The following LRRC69 variants were observed in gnomAD, a reference collection of about 807,000 sequenced individuals.
LRRC69 encodes leucine-rich repeat-containing protein 69.
LRRC69 carries 42 observed loss-of-function variants against 37.8 expected under a neutral mutation model. That is an observed-to-expected ratio of 1.11 (90% CI 0.87 to 1.44). The LOEUF (loss-of-function observed/expected upper bound fraction) is 1.44. LRRC69 is among the 40% of genes most tolerant of loss of function. LRRC69 has a pLI of 0.00. For synonymous variants in LRRC69, 141 were observed against 143.1 expected, an observed-to-expected ratio of 0.99 and a Z score of 0.11; for missense variants, 357 against 401.9, an observed-to-expected ratio of 0.89 and a Z score of 0.96.
intron 1 of LRRC69, among the ~76,000 whole-genome samples, chr8:91,105,037 G>A (rs1022659890): frequency 6.6e-6 from 1 of 151,752 alleles, no homozygotes; most frequent in African/African-American, 2.4e-5. Context: ...TTCACTCTTA[G>A]TTCCTTCACC....
intron 6 of LRRC69, 45 bp downstream of exon 6, chr8:91,189,668 A>G: frequency 7.7e-7 from 1 of 1,303,868 alleles, no homozygotes; most frequent in Admixed American, 2.5e-5. Context: ...CTAAAGCCAC[A>G]ATTTAAATTT....
intron 7 of LRRC69, among the ~76,000 whole-genome samples, chr8:91,208,799 T>C (rs544429811): frequency 6.6e-6 from 1 of 152,300 alleles, no homozygotes; most frequent in South Asian, 2.1e-4. Flanking sequence ...CATCCTCTGG[T>C]GTGTGATCTT....
chr8:91,160,464 G>A (rs1586256080), intron 5 of LRRC69, among the ~76,000 whole-genome samples: 1 of 151,068 alleles, frequency 6.6e-6, no homozygotes, highest in African/African-American at 2.4e-5. Context: ...CAAATCTCAT[G>A]TTGAATTGTA....
At chr8:91,189,487 T>C (rs1187643669) in intron 5 of LRRC69, 35 bp from the exon 6 acceptor site, 2 of 1,324,548 alleles carry the variant, frequency 1.5e-6, no homozygotes, top group African/African-American at 2.9e-5. Flanking sequence ...TTCATTATTT[T>C]GTTGTGCAAT....
intron 5 of LRRC69, among the ~76,000 whole-genome samples, chr8:91,137,779 C>A (rs1443467683): frequency 6.6e-6 from 1 of 151,726 alleles, no homozygotes; most frequent in Non-Finnish European, 1.5e-5. Flanking sequence ...GATTCAAAAT[C>A]AAAGTTTCCC....
At chr8:91,167,758 T>A (rs1481353980) in intron 5 of LRRC69, among the ~76,000 whole-genome samples, 1 of 151,954 alleles carries the variant, frequency 6.6e-6, no homozygotes, top group East Asian at 1.9e-4. Flanking sequence ...AACTGGCTCT[T>A]CTGTGTTGGT....
intron 5 of LRRC69, among the ~76,000 whole-genome samples, chr8:91,140,118 A>C (rs1808507198): frequency 6.7e-6 from 1 of 149,924 alleles, no homozygotes; most frequent in Non-Finnish European, 1.5e-5. Flanking sequence ...AAAAAGTACT[A>C]TCCAAGTATT....
chr8:91,132,107 C>T (rs61279214), intron 3 of LRRC69, among the ~76,000 whole-genome samples: 70,217 of 151,606 alleles, frequency 0.46, 17,925 homozygotes, highest in South Asian at 0.65. Flanking sequence ...TTTTCAACTG[C>T]CTAAAAATTT....
At chr8:91,214,136 G>T (rs1433409353) in intron 7 of LRRC69, among the ~76,000 whole-genome samples, 4 of 152,070 alleles carry the variant, frequency 2.6e-5, no homozygotes, top group African/African-American at 9.7e-5. Context: ...TCCTACTGTG[G>T]GTGTAAGGTG....
At chr8:91,116,935 A>G (rs1182508430) in intron 1 of LRRC69, among the ~76,000 whole-genome samples, 1 of 152,100 alleles carries the variant, frequency 6.6e-6, no homozygotes, top group African/African-American at 2.4e-5. Flanking sequence ...CAAAGGCATC[A>G]ATGGACATTG....
intron 6 of LRRC69, among the ~76,000 whole-genome samples, chr8:91,199,184 A>G (rs1809671675): frequency 1.3e-5 from 2 of 152,342 alleles, no homozygotes; most frequent in South Asian, 4.1e-4. Flanking sequence ...AAGCCCACCT[A>G]TAAAATCAGT....
intron 1 of LRRC69, among the ~76,000 whole-genome samples, chr8:91,103,176 C>T (rs1381679483): frequency 6.6e-6 from 1 of 152,180 alleles, no homozygotes; most frequent in Non-Finnish European, 1.5e-5. Flanking sequence ...TGGGGGCTTA[C>T]ATCTGGAAGT....
intron 2 of LRRC69, among the ~76,000 whole-genome samples, chr8:91,126,478 T>C (rs1193506405): frequency 1.3e-5 from 2 of 152,002 alleles, no homozygotes; most frequent in Non-Finnish European, 2.9e-5. Flanking sequence ...AAAATCTGTT[T>C]TAAAAAAGAA....
chr8:91,160,822 G>C (rs181991392), intron 5 of LRRC69, among the ~76,000 whole-genome samples: 1 of 151,316 alleles, frequency 6.6e-6, no homozygotes, highest in East Asian at 2.0e-4. Context: ...TGTTGAATAA[G>C]AGTGGTAAAA....
At chr8:91,176,138 T>A (rs202080806) in intron 5 of LRRC69, among the ~76,000 whole-genome samples, 3 of 72,180 alleles carry the variant, frequency 4.2e-5, no homozygotes, top group East Asian at 3.7e-4. Context: ...ATATATATTT[T>A]TTTTTTTTCT....
chr8:91,168,063 C>G (rs1809060356), intron 5 of LRRC69, among the ~76,000 whole-genome samples: 1 of 151,748 alleles, frequency 6.6e-6, no homozygotes, highest in African/African-American at 2.4e-5. Flanking sequence ...TCCCTGCCCT[C>G]TTGGAGCTTA....
rs1171083758 is a variant in LRRC69, at chr8:91,124,481, A to G, written c.184-12A>G. On this transcript the variant is annotated splice_polypyrimidine_tract_variant and intron_variant, in intron 1 of 7. Transcript: ENST00000448384. The stretch of plus-strand genomic sequence containing the variant: ...TGATATATGAGTCCATTAAACCTCT[A>G]TATGTTTGCAGTTGACAACACTAAA... 8.5e-6 allele frequency: 13 copies of G among 1,521,116 alleles called. No homozygotes were observed. Among genetic ancestry groups the G allele is most frequent in the South Asian group, 1.3e-5 (1 of 79,352 alleles). 94.2% of individuals were successfully genotyped at this position (1,521,116 alleles called of 1,614,324 possible).
At chr8:91,176,134 A>ATATATATATATATTTTT in intron 5 of LRRC69, among the ~76,000 whole-genome samples, 21 of 75,696 alleles carry the variant, frequency 2.8e-4, no homozygotes, top group African/African-American at 7.3e-4. Flanking sequence ...ATATATATAT[A>ATATATATATATATTTTT]TTTTTTTTTT....
intron 1 of LRRC69, among the ~76,000 whole-genome samples, chr8:91,121,683 AT>A (rs1417026074): frequency 1.3e-5 from 2 of 152,084 alleles, no homozygotes; most frequent in African/African-American, 4.8e-5. Flanking sequence ...TTGTTTAGCC[AT>A]TTAGTCATTG....
Sources: allele counts gnomAD v4.1 joint callset (sites outside exome capture counted in the v4.1 genomes callset), GRCh38; gene constraint gnomAD v4.1.1; transcripts MANE v1.5; gene names NCBI Gene and HGNC (gene_info 2026-07-23, HGNC 2026-07-21).